The following PCDHA3 variants were observed in gnomAD, a reference collection of about 807,000 sequenced individuals.
PCDHA3 encodes the protein protocadherin alpha-3.
In PCDHA3, 41 loss-of-function variants were observed where a neutral mutation model predicts 62.2. The ratio of observed to expected loss-of-function variants is 0.66; its 90% CI spans 0.51 to 0.86. The LOEUF is 0.86. PCDHA3 is among the 40% of genes least tolerant of loss of function. The pLI is 0.00. For synonymous variants in PCDHA3, 640 were observed against 555.4 expected, an observed-to-expected ratio of 1.15 and a Z score of -2.14; for missense variants, 1,304 against 1,241.2, an observed-to-expected ratio of 1.05 and a Z score of -0.76.
rs145195613 is a variant in PCDHA3, at chr5:140,845,173, T to C, written c.2394+41582T>C. Among the ~76,000 whole-genome samples, 10 of 149,788 alleles carry C rather than the reference T, an allele frequency of 6.7e-5. No individual in the cohort carries two copies. The East Asian group carries it at 1.7e-3, about 26-fold the overall frequency. On this transcript the variant is annotated intron_variant, in intron 1 of 3. Transcript: ENST00000522353. ...GTGTAAAAGCGAATTGTTTTCATTTTAGTCCTTTAAAAAATATGATTGTTT... is the reference window on the plus strand; with the variant it reads ...GTGTAAAAGCGAATTGTTTTCATTTCAGTCCTTTAAAAAATATGATTGTTT...
At chr5:140,842,661 A>G in intron 1 of PCDHA3, 1 of 1,595,428 alleles carries the variant, frequency 6.3e-7, no homozygotes, top group Non-Finnish European at 8.6e-7. Flanking sequence ...GAGGTGGCCG[A>G]CGTGAACGAC....
At chr5:140,857,302 G>A in intron 1 of PCDHA3, 1 of 1,598,652 alleles carries the variant, frequency 6.3e-7, no homozygotes, top group South Asian at 1.1e-5. Flanking sequence ...AGAGGGTGTC[G>A]GCCTATGAGC....
At chr5:140,834,144 T>G (rs2150213774) in intron 1 of PCDHA3, 1 of 515,130 alleles carries the variant, frequency 1.9e-6, no homozygotes, top group South Asian at 3.2e-5. Context: ...ATTAATAGTT[T>G]GTAATGGTTT....
chr5:140,834,552 G>A (rs2150220823), intron 1 of PCDHA3: 3 of 1,614,094 alleles, frequency 1.9e-6, no homozygotes, highest in Non-Finnish European at 8.5e-7. Flanking sequence ...GCTGGAGCTG[G>A]CGGAGCTGGT....
intron 1 of PCDHA3, chr5:140,807,462 G>T: frequency 6.2e-7 from 1 of 1,608,784 alleles, no homozygotes; most frequent in Non-Finnish European, 8.5e-7. Context: ...CGGATCGACC[G>T]GGAGGAGCTG....
chr5:140,859,320 G>A (rs1374549537), intron 1 of PCDHA3: 1 of 128,738 alleles, frequency 7.8e-6, no homozygotes, highest in African/African-American at 2.7e-5. Context: ...TTAAAAGTTT[G>A]AGGAGAAAAT....
chr5:140,939,379 A>C (rs1554212694), intron 1 of PCDHA3, among the ~76,000 whole-genome samples: 1 of 152,170 alleles, frequency 6.6e-6, no homozygotes, highest in Non-Finnish European at 1.5e-5. Flanking sequence ...GAACACAAAC[A>C]TTCAGATCAT....
chr5:140,869,030 T>C (rs1049032233), intron 1 of PCDHA3: 5 of 1,526,396 alleles, frequency 3.3e-6, no homozygotes, highest in Non-Finnish European at 4.4e-6. Flanking sequence ...TTCAACGAGA[T>C]TTTTAACCTG....
chr5:140,871,191 C>T lies in PCDHA3; in HGVS notation c.2394+67600C>T, dbSNP rs370303558. 1.9e-6 allele frequency: 3 copies of T among 1,613,656 alleles called. 1 individual carries two copies. In the South Asian group the frequency reaches 3.3e-5, roughly 18 times the overall value. On this transcript the variant is annotated intron_variant, in intron 1 of 3. Coordinates refer to ENST00000522353, the MANE Select transcript of PCDHA3 (RefSeq NM_018906.3). ...CAGAGGCTGCGCTGGTGGATGTCAA[C>T]GTGTACCTGATCATCGCCATCTGCG...
chr5:140,867,042 G>T lies in PCDHA3; in HGVS notation c.2394+63451G>T, dbSNP rs782113838. Reference sequence around the variant, plus strand: ...ATATCAAACTCTTTTATGACTTGGCGTTTGTTCAGTACTACTTTATATATT... The same window carrying T: ...ATATCAAACTCTTTTATGACTTGGCTTTTGTTCAGTACTACTTTATATATT... On this transcript the variant is annotated intron_variant, in intron 1 of 3. Transcript: ENST00000522353. The T allele has an allele frequency of 4.6e-5, 7 of 152,202 alleles. 1 individual carries two copies. Among genetic ancestry groups the T allele is most frequent in the African/African-American group, 1.7e-4 (7 of 41,564 alleles). 9.4% of individuals were successfully genotyped at this position (152,202 alleles called of 1,614,324 possible). A position where few individuals can be genotyped will look rare whatever the true frequency, so the allele number is the denominator to read the frequency against.
chr5:140,857,551 C>G (rs781926711), intron 1 of PCDHA3: 5 of 1,596,944 alleles, frequency 3.1e-6, no homozygotes. Flanking sequence ...TGGGCGAGCG[C>G]TCGCTGTCGA....
At chr5:140,924,901 AAAAAT>A (rs10667761) in intron 1 of PCDHA3, among the ~76,000 whole-genome samples, 4,416 of 80,206 alleles carry the variant, frequency 0.055, 204 homozygotes, top group African/African-American at 0.16. Flanking sequence ...TCTCAAAAAA[AAAAAT>A]AAAATAAAAT....
intron 1 of PCDHA3, chr5:140,871,269 G>C (rs782046462): frequency 5.0e-6 from 8 of 1,613,822 alleles, no homozygotes; most frequent in Admixed American, 1.7e-5. Flanking sequence ...CGCTGTGGTG[G>C]TCGGCAACGC....
At chr5:140,950,082 A>G (rs2094448240) in intron 1 of PCDHA3, among the ~76,000 whole-genome samples, 1 of 151,916 alleles carries the variant, frequency 6.6e-6, no homozygotes, top group South Asian at 2.1e-4. Flanking sequence ...TGCTTATGCT[A>G]TAGTTTTCAT....
In PCDHA3 at chr5:140,871,387, G is replaced by A. The variant is rs372339362; in HGVS notation, c.2394+67796G>A. Reference sequence around the variant, plus strand: ...GCGGCAGAGGGTGTGCTCTGAGGAGGGCCCACCTAAGACGGACCTCATGGC... The same window carrying A: ...GCGGCAGAGGGTGTGCTCTGAGGAGAGCCCACCTAAGACGGACCTCATGGC... On this transcript the variant is annotated intron_variant, in intron 1 of 3. Coordinates refer to ENST00000522353, the MANE Select transcript of PCDHA3 (RefSeq NM_018906.3). 87 of 1,614,172 alleles carry A rather than the reference G, an allele frequency of 5.4e-5. No homozygotes were observed. The African/African-American group carries it at 1.0e-3, about 19-fold the overall frequency.
chr5:140,987,797 T>A (rs967250070), intron 3 of PCDHA3, among the ~76,000 whole-genome samples: 23 of 152,308 alleles, frequency 1.5e-4, no homozygotes, highest in African/African-American at 4.3e-4. Flanking sequence ...AAGATTTTTT[T>A]AAAGTGCCTG....
chr5:140,999,459 T>C (rs2097858774), intron 3 of PCDHA3, among the ~76,000 whole-genome samples: 1 of 152,138 alleles, frequency 6.6e-6, no homozygotes, highest in Non-Finnish European at 1.5e-5. Flanking sequence ...AACGAATAAG[T>C]GGTGAAGCAG....
chr5:140,841,219 G>C (rs2150312047), intron 1 of PCDHA3: 33 of 1,437,984 alleles, frequency 2.3e-5, no homozygotes, highest in Admixed American at 4.6e-5. Flanking sequence ...TCTAAAGGCC[G>C]AACAACGGGA....
At chr5:140,955,385 G>A (rs1416235573) in intron 1 of PCDHA3, among the ~76,000 whole-genome samples, 4 of 152,216 alleles carry the variant, frequency 2.6e-5, no homozygotes, top group South Asian at 4.1e-4. Flanking sequence ...GAATCATGGG[G>A]GCAATTATCC....
Sources: allele counts gnomAD v4.1 joint callset (sites outside exome capture counted in the v4.1 genomes callset), GRCh38; gene constraint gnomAD v4.1.1; transcripts MANE v1.5; gene names NCBI Gene and HGNC (gene_info 2026-07-23, HGNC 2026-07-21).